The following HAS3 variants were observed in gnomAD, a reference collection of about 807,000 sequenced individuals.
HAS3 encodes the protein hyaluronan synthase 3.
A neutral mutation model predicts 50.3 loss-of-function variants in HAS3; 27 were observed. The ratio of observed to expected loss-of-function variants is 0.54; its 90% CI spans 0.40 to 0.74. The LOEUF (loss-of-function observed/expected upper bound fraction) is 0.74, where lower values mean the gene tolerates loss of function less well. Among genes scored for constraint, HAS3 ranks in the 30% least tolerant of loss-of-function variants. HAS3 has a pLI of 0.00. For synonymous variants in HAS3, 339 were observed against 310.9 expected, an observed-to-expected ratio of 1.09 and a Z score of -0.95; for missense variants, 517 against 742.8, an observed-to-expected ratio of 0.70 and a Z score of 3.53.
the HAS3 span, among the ~76,000 whole-genome samples, chr16:69,085,725 G>A: frequency 6.6e-6 from 1 of 151,738 alleles, no homozygotes; most frequent in African/African-American, 2.4e-5. Context: ...CCACAGGTGC[G>A]CACCACCATG....
At chr16:69,084,271 G>C in the HAS3 span, 1 of 152,396 alleles carries the variant, frequency 6.6e-6, no homozygotes, top group Non-Finnish European at 1.5e-5. Flanking sequence ...GAGTTGAAGA[G>C]GCTCTGATGC....
chr16:69,099,821 T>G, the HAS3 span, among the ~76,000 whole-genome samples: 2 of 152,020 alleles, frequency 1.3e-5, no homozygotes, highest in Non-Finnish European at 2.9e-5. Flanking sequence ...CTTCTGGGTT[T>G]TTTTTTTTTT....
chr16:69,083,880 G>C, the HAS3 span: 1 of 479,100 alleles, frequency 2.1e-6, no homozygotes, highest in African/African-American at 1.9e-5. Context: ...GTTAAGAGAA[G>C]ACAGTTACAG....
rs1960772673 is a variant in HAS3, at chr16:69,105,788, G to A, written c.-1+1G>A. Reference sequence around the variant, plus strand: ...GCTCTCAGCTCGCCTTCCTTGCAGGGTGAGTAGGTTTTGCGGGTTAGAGAG... The same window carrying A: ...GCTCTCAGCTCGCCTTCCTTGCAGGATGAGTAGGTTTTGCGGGTTAGAGAG... On this transcript the variant is annotated splice_donor_variant, in intron 1 of 3. Transcript: ENST00000569188. LOFTEE classifies it low-confidence loss of function (5UTR_SPLICE). The A allele has an allele frequency of 6.6e-6, 1 of 152,304 alleles. No individual in the cohort carries two copies. Among genetic ancestry groups the A allele is most frequent in the Non-Finnish European group, 1.5e-5 (1 of 68,062 alleles). 9.4% of individuals were successfully genotyped at this position (152,304 alleles called of 1,614,324 possible).
chr16:69,098,025 G>A, the HAS3 span, among the ~76,000 whole-genome samples: 1 of 152,228 alleles, frequency 6.6e-6, no homozygotes, highest in Non-Finnish European at 1.5e-5. Flanking sequence ...GTAAACTGAG[G>A]TTGTGAAACC....
chr16:69,115,707 C>T lies in HAS3; in HGVS notation c.*441C>T, dbSNP rs1961158367. 2 of 990,290 alleles carry T rather than the reference C, an allele frequency of 2.0e-6. No homozygotes were observed. Among genetic ancestry groups the T allele is most frequent in the Non-Finnish European group, 2.4e-6 (2 of 833,450 alleles). 61.3% of individuals were successfully genotyped at this position (990,290 alleles called of 1,614,324 possible). ...GAGAATTTCTACTGAGCGAGCTGGG[C>T]CGGTTAGTGTATGTCACCCCCACCC... On this transcript the variant is annotated 3_prime_UTR_variant, in exon 4 of 4. Transcript: ENST00000569188.
rs1410457718 is a variant in HAS3 at position 69,117,335 on chromosome 16, A to AAATC, written c.*2072_*2075dup. On this transcript the variant is annotated 3_prime_UTR_variant, in exon 4 of 4. Transcript: ENST00000569188. ...TGCACTGTGGTCGTCAACTTTCCTCAAATCAAAAACAGGCAGGTACAGGTA... is the reference window on the plus strand; with the variant it reads ...TGCACTGTGGTCGTCAACTTTCCTCAAATCAATCAAAAACAGGCAGGTACAGGTA... 1 of 985,738 alleles carries AAATC rather than the reference A, an allele frequency of 1.0e-6. No homozygotes were observed. Among genetic ancestry groups the AAATC allele is most frequent in the Non-Finnish European group, 1.2e-6 (1 of 829,940 alleles). 61.1% of individuals were successfully genotyped at this position (985,738 alleles called of 1,614,324 possible).
the HAS3 span, among the ~76,000 whole-genome samples, chr16:69,095,106 C>G: frequency 6.6e-6 from 1 of 151,896 alleles, no homozygotes; most frequent in Non-Finnish European, 1.5e-5. Flanking sequence ...CTCAGCCTCC[C>G]AAGTAGTTGG....
the HAS3 span, among the ~76,000 whole-genome samples, chr16:69,091,732 A>C: frequency 6.6e-6 from 1 of 152,236 alleles, no homozygotes; most frequent in Non-Finnish European, 1.5e-5. Flanking sequence ...TTAGTGGCTT[A>C]TAATTACTAG....
Position 69,115,442 on chromosome 16 carries a change from AGAG to A in HAS3, c.*181_*183del. 7.5e-7 allele frequency: 1 copy of A among 1,334,088 alleles called. No homozygotes were observed. Among genetic ancestry groups the A allele is most frequent in the Non-Finnish European group, 9.5e-7 (1 of 1,047,772 alleles). 82.6% of individuals were successfully genotyped at this position (1,334,088 alleles called of 1,614,324 possible). A position where few individuals can be genotyped will look rare whatever the true frequency, so the allele number is the denominator to read the frequency against. On this transcript the variant is annotated 3_prime_UTR_variant, in exon 4 of 4. Transcript: ENST00000569188. ...GTAGTATGGCCTGACAGCTCTGTTT[AGAG>A]GAGGCAACACTGATCCCCCAGATGC...
At chr16:69,113,413 A>G (rs1320234094) in intron 2 of HAS3, 28 bp from the exon 3 acceptor site, 7 of 1,507,806 alleles carry the variant, frequency 4.6e-6, no homozygotes, top group Non-Finnish European at 6.5e-6. Context: ...TGAGGTCAGA[A>G]TGGGCTGACG....
Position 69,117,151 on chromosome 16 carries a change from G to C in HAS3, c.*1885G>C. The stretch of plus-strand genomic sequence containing the variant: ...GCTGATCCAGGCAATCGTTCTGCTG[G>C]CCAAGAAGTTAAACTATTTTGAGCA... On this transcript the variant is annotated 3_prime_UTR_variant, in exon 4 of 4. Transcript: ENST00000569188. 1 of 985,848 alleles carries C rather than the reference G, an allele frequency of 1.0e-6. No homozygotes were observed. The highest frequency in any genetic ancestry group is 1.7e-5 in the African/African-American group (1 of 57,362). The allele number at this position is 985,848 out of a possible 1,614,324, so 61.1% of individuals were successfully genotyped here. A position where few individuals can be genotyped will look rare whatever the true frequency, so the allele number is the denominator to read the frequency against.
chr16:69,104,800 C>T (rs1398052477), upstream of HAS3, among the ~76,000 whole-genome samples: 1 of 151,740 alleles, frequency 6.6e-6, no homozygotes, highest in Non-Finnish European at 1.5e-5. Context: ...TGCTTGCCTG[C>T]GGGGACTGAG....
the HAS3 span, chr16:69,083,677 C>T: frequency 1.9e-5 from 29 of 1,550,176 alleles, no homozygotes; most frequent in South Asian, 1.7e-4. Flanking sequence ...GCTCCAAGGA[C>T]GTGGAGGAGG....
chr16:69,104,877 G>A (rs1320513727), upstream of HAS3, among the ~76,000 whole-genome samples: 1 of 151,940 alleles, frequency 6.6e-6, no homozygotes, highest in Non-Finnish European at 1.5e-5. Flanking sequence ...TAAAACTTGC[G>A]AGAGGAGAAG....
intron 2 of HAS3, 35 bp from the exon 3 acceptor site, chr16:69,113,406 G>A (rs759690612): frequency 4.2e-6 from 6 of 1,417,392 alleles, no homozygotes; most frequent in Non-Finnish European, 6.0e-6. Flanking sequence ...GCAGGTCTGA[G>A]GTCAGAATGG....
At chr16:69,104,974 G>A (rs1456252971), upstream of HAS3, among the ~76,000 whole-genome samples, 1 of 144,670 alleles carries the variant, frequency 6.9e-6, no homozygotes, top group African/African-American at 2.6e-5. Context: ...TTGGAAAACA[G>A]GTAAACTCTG....
In HAS3 at chr16:69,109,836, C is replaced by A; in HGVS notation, c.441C>A (p.Gly147=). Residue 147 remains glycine (G), a synonymous_variant, in exon 2 of 4, where the codon GGC becomes GGA. Coordinates refer to ENST00000569188, the MANE Select transcript of HAS3 (RefSeq NM_001199280.2). The surrounding 1 kb of genome is among the most constrained non-coding windows in gnomAD (Gnocchi z 5.3). ...HEVLGGTEQA[G]FFVWRSNFHE... ...TGCTGGGCGGCACCGAGCAGGCCGG[C>A]TTCTTTGTGTGGCGCAGCAACTTCC... The A allele has an allele frequency of 6.2e-7, 1 of 1,613,236 alleles. No individual in the cohort carries two copies. Among genetic ancestry groups the A allele is most frequent in the Non-Finnish European group, 8.5e-7 (1 of 1,180,028 alleles).
chr16:69,117,769 T>C, downstream of HAS3: 1 of 343,602 alleles, frequency 2.9e-6, no homozygotes, highest in Non-Finnish European at 4.1e-6. Flanking sequence ...ACCTGGGCAA[T>C]ATGTCCATCC....
Sources: allele counts gnomAD v4.1 joint callset (sites outside exome capture counted in the v4.1 genomes callset), GRCh38; gene constraint gnomAD v4.1.1; non-coding constraint Gnocchi (gnomAD v3.1); transcripts MANE v1.5; gene names NCBI Gene and HGNC (gene_info 2026-07-23, HGNC 2026-07-21).